Variants in ZNF613 observed in about 807,000 individuals in gnomAD.
The protein encoded by ZNF613 is zinc finger protein 613.
A neutral mutation model predicts 14.3 loss-of-function variants in ZNF613; 8 were observed. That is an observed-to-expected ratio of 0.56 (90% CI 0.33 to 1.01). The LOEUF is 1.01. Ranked by LOEUF, ZNF613 falls within the 50% of genes least tolerant of loss-of-function variation. The probability of loss-of-function intolerance (pLI) is 0.03; values close to 1 mark genes in which losing one functional copy is unlikely to be tolerated. For synonymous variants in ZNF613, 228 were observed against 254.5 expected (o/e 0.90, Z 0.99); for missense variants, 656 against 741.9 (o/e 0.88, Z 1.35).
chr19:51,933,127 C>T (rs1242973797), intron 2 of ZNF613, among the ~76,000 whole-genome samples: 2 of 152,190 alleles, frequency 1.3e-5, no homozygotes, highest in Admixed American at 6.5e-5. Flanking sequence ...CCAGAAGGAA[C>T]GTTTTAGAGT....
chr19:51,929,014 A>G (rs959484835), intron 1 of ZNF613, among the ~76,000 whole-genome samples: 1 of 152,244 alleles, frequency 6.6e-6, no homozygotes, highest in Non-Finnish European at 1.5e-5. Flanking sequence ...AGGTTCTGAC[A>G]CAAGTAAAAC....
At chr19:51,933,634 C>T (rs1287188838) in intron 2 of ZNF613, among the ~76,000 whole-genome samples, 11 of 152,016 alleles carry the variant, frequency 7.2e-5, no homozygotes, top group Non-Finnish European at 1.0e-4. Flanking sequence ...TGAATAAAGT[C>T]TATTCTGTTC....
intron 3 of ZNF613, among the ~76,000 whole-genome samples, chr19:51,938,291 C>A (rs1737529761): frequency 6.7e-6 from 1 of 149,966 alleles, no homozygotes; most frequent in African/African-American, 2.5e-5. Context: ...TTTTTCTTTT[C>A]TTTTGAGTTT....
At chr19:51,940,735 G>C in intron 5 of ZNF613, 26 bp downstream of exon 5, 2 of 1,588,192 alleles carry the variant, frequency 1.3e-6, no homozygotes, top group Non-Finnish European at 1.7e-6. Flanking sequence ...GAGCCAGCAA[G>C]GAGGGTGGCT....
At position 51,945,878 on chromosome 19, in the gene ZNF613, C is replaced by G; in HGVS notation, c.*141C>G. ...ACCTTATGGCTAATAAGCATATACT[C>G]AGAGAAAAATAGTATGAAGTGGAGA... On this transcript the variant is annotated 3_prime_UTR_variant, in exon 6 of 6. Coordinates refer to ENST00000293471, the MANE Select transcript of ZNF613 (RefSeq NM_001031721.4). The G allele has an allele frequency of 2.3e-6, 2 of 870,980 alleles. No individual in the cohort carries two copies. The highest frequency in any genetic ancestry group is 3.5e-6 in the Non-Finnish European group (2 of 576,682). The allele number at this position is 870,980 out of a possible 1,614,324, so 54.0% of individuals were successfully genotyped here. A position where few individuals can be genotyped will look rare whatever the true frequency, so the allele number is the denominator to read the frequency against.
In ZNF613 at chr19:51,936,248, T is replaced by A; in HGVS notation, c.15+13T>A. The A allele has an allele frequency of 1.2e-6, 2 of 1,601,406 alleles. No individual in the cohort carries two copies. The highest frequency in any genetic ancestry group is 1.7e-6 in the Non-Finnish European group (2 of 1,173,908). On this transcript the variant is annotated intron_variant, in intron 3 of 5. Coordinates refer to ENST00000293471, the MANE Select transcript of ZNF613 (RefSeq NM_001031721.4). ...GATCAAGTCCCAGGTGACTTTTTGTTTGTTTTAGTCTTTCCTTCATCACAT... is the reference window on the plus strand; with the variant it reads ...GATCAAGTCCCAGGTGACTTTTTGTATGTTTTAGTCTTTCCTTCATCACAT...
intron 5 of ZNF613, 32 bp downstream of exon 5, chr19:51,940,741 T>A (rs761486797): frequency 1.3e-6 from 2 of 1,581,460 alleles, no homozygotes; most frequent in Non-Finnish European, 8.6e-7. Context: ...GCAAGGAGGG[T>A]GGCTGAGCAA....
Position 51,945,398 on chromosome 19 carries a change from T to C in ZNF613, c.1515T>C (p.Thr505=). ...CATGTCTCAACAGACATCGGAGAAC[T>C]CATACAGGGGAGAGACCGTATGGAT... is the stretch of plus-strand genomic sequence containing the variant. The part of the protein sequence containing the change: ...DKSCLNRHRR[T]HTGERPYGCS... Residue 505 remains threonine, a synonymous_variant, in exon 6 of 6, where the codon ACT becomes ACC. Transcript: ENST00000293471. The C allele has an allele frequency of 6.2e-7, 1 of 1,613,742 alleles. No homozygotes were observed. The highest frequency in any genetic ancestry group is 2.2e-5 in the East Asian group (1 of 44,870).
Position 51,927,540 on chromosome 19 carries a change from G to T in ZNF613, c.-359G>T, listed in dbSNP as rs1304099238. On this transcript the variant is annotated splice_region_variant and 5_prime_UTR_variant, in exon 1 of 6. Transcript: ENST00000293471. ...TCTCGGTGGGTTCCCCGCAAAATCA[G>T]GTCTGTGTGTGGGTCTGTCTGTCAG... The T allele has an allele frequency of 1.3e-5, 2 of 151,086 alleles. No individual in the cohort carries two copies. The highest frequency in any genetic ancestry group is 2.5e-5 in the African/African-American group (1 of 40,816). 9.4% of individuals were successfully genotyped at this position (151,086 alleles called of 1,614,324 possible). A position where few individuals can be genotyped will look rare whatever the true frequency, so the allele number is the denominator to read the frequency against.
At chr19:51,929,443 G>GT in intron 1 of ZNF613, among the ~76,000 whole-genome samples, 1 of 152,214 alleles carries the variant, frequency 6.6e-6, no homozygotes, top group South Asian at 2.1e-4. Context: ...TAAATGGTGT[G>GT]TTTTTAATTT....
At chr19:51,941,176 C>T (rs2085347211) in intron 5 of ZNF613, among the ~76,000 whole-genome samples, 1 of 152,240 alleles carries the variant, frequency 6.6e-6, no homozygotes, top group African/African-American at 2.4e-5. Context: ...TGGTGATCCA[C>T]CTGCTTTGGC....
At position 51,946,086 on chromosome 19, in the gene ZNF613, T is replaced by C. The variant is rs1196433005; in HGVS notation, c.*349T>C. 1.3e-5 allele frequency: 3 copies of C among 235,202 alleles called. No individual in the cohort carries two copies. The highest frequency in any genetic ancestry group is 2.5e-5 in the Non-Finnish European group (3 of 119,056). The allele number at this position is 235,202 out of a possible 1,614,324, so 14.6% of individuals were successfully genotyped here. On this transcript the variant is annotated 3_prime_UTR_variant, in exon 6 of 6. Coordinates refer to ENST00000293471, the MANE Select transcript of ZNF613 (RefSeq NM_001031721.4). ...ACTTTTGGAAGACCTTTGAAGGCTA[T>C]GAATGTGGCAGGGTTGCTAGTGGTA...
intron 3 of ZNF613, among the ~76,000 whole-genome samples, chr19:51,938,586 G>A (rs1599906735): frequency 6.6e-6 from 1 of 152,118 alleles, no homozygotes; most frequent in East Asian, 1.9e-4. Flanking sequence ...GTAAGGGAAT[G>A]GGTTGTTGGG....
In ZNF613 at chr19:51,944,490, C is replaced by T; in HGVS notation, c.607C>T (p.Pro203Ser). 6.2e-7 allele frequency: 1 copy of T among 1,607,622 alleles called. No individual in the cohort carries two copies. Among genetic ancestry groups the T allele is most frequent in the Non-Finnish European group, 8.5e-7 (1 of 1,175,484 alleles). ...KHQRTQNIDKPHVCTECGKAF... is the reference protein window; with the variant it reads ...KHQRTQNIDKSHVCTECGKAF... ...TCAGCGAACTCAAAACATAGATAAA[C>T]CCCATGTATGCACTGAGTGTGGGAA... The change falls in exon 6 of 6, where the codon CCC (proline) becomes TCC (serine). Residue 203 changes from proline (P) to serine (S), a missense_variant. Coordinates refer to ENST00000293471, the MANE Select transcript of ZNF613 (RefSeq NM_001031721.4).
At chr19:51,944,083 G>A in intron 5 of ZNF613, 36 bp from the exon 6 acceptor site, 1 of 1,496,080 alleles carries the variant, frequency 6.7e-7, no homozygotes, top group East Asian at 2.3e-5. Flanking sequence ...TCTATTCCAT[G>A]CTCATGGAAA....
At position 51,945,936 on chromosome 19, in the gene ZNF613, C is replaced by G; in HGVS notation, c.*199C>G. ...ATTCTTTTATGGGAAGATAGATCTT[C>G]TCATCAGTGACCATAGATCACATCT... On this transcript the variant is annotated 3_prime_UTR_variant, in exon 6 of 6. Transcript: ENST00000293471. The G allele has an allele frequency of 1.7e-6, 1 of 597,460 alleles. No individual in the cohort carries two copies. The allele number at this position is 597,460 out of a possible 1,614,324, so 37.0% of individuals were successfully genotyped here.
chr19:51,940,435 G>C, intron 4 of ZNF613, 100 bp downstream of exon 4: 1 of 1,592,442 alleles, frequency 6.3e-7, no homozygotes, highest in Non-Finnish European at 8.6e-7. Context: ...GCTCTGAAGT[G>C]GTAGATTCTG....
chr19:51,944,538 C>T lies in ZNF613; in HGVS notation c.655C>T (p.Leu219Phe). 1 of 1,613,936 alleles carries T rather than the reference C, an allele frequency of 6.2e-7. No individual in the cohort carries two copies. The highest frequency in any genetic ancestry group is 8.5e-7 in the Non-Finnish European group (1 of 1,179,834). ...CGKAFLKKSR[L>F]IYHQRVHTGE... ...GAAGGCTTTCCTCAAGAAGTCTCGC[C>T]TCATCTATCATCAGAGAGTTCACAC... Residue 219 changes from leucine (L) to phenylalanine (F), a missense_variant, in exon 6 of 6, where the codon CTC (leucine) becomes TTC (phenylalanine). Leu to Phe is a conservative substitution (Grantham distance 22). Transcript: ENST00000293471.
chr19:51,936,511 C>T (rs760834854), intron 3 of ZNF613, among the ~76,000 whole-genome samples: 1 of 152,072 alleles, frequency 6.6e-6, no homozygotes, highest in Non-Finnish European at 1.5e-5. Context: ...TTGTTTGAGA[C>T]AGGGTCTCAC....
Sources: allele counts gnomAD v4.1 joint callset (sites outside exome capture counted in the v4.1 genomes callset), GRCh38; gene constraint gnomAD v4.1.1; transcripts MANE v1.5; gene names NCBI Gene and HGNC (gene_info 2026-07-23, HGNC 2026-07-21).